The following HS6ST3 variants were observed in gnomAD, a reference collection of about 807,000 sequenced individuals.
HS6ST3 encodes the protein heparan sulfate 6-O-sulfotransferase 3, also known as heparan-sulfate 6-O-sulfotransferase 3.
Under a neutral mutation model 36.7 loss-of-function variants are expected in HS6ST3, and 12 were observed. The ratio of observed to expected loss-of-function variants is 0.33; its 90% CI spans 0.21 to 0.53. The LOEUF (loss-of-function observed/expected upper bound fraction) is 0.53. Ranked by LOEUF, HS6ST3 falls within the 20% of genes least tolerant of loss-of-function variation. The pLI, the probability that HS6ST3 is intolerant of heterozygous loss-of-function variation, is 0.95. For synonymous variants in HS6ST3, 240 were observed against 257.5 expected (o/e 0.93, Z 0.65); for missense variants, 584 against 640.9 (o/e 0.91, Z 0.96).
chr13:96,124,920 A>G (rs2053943392), intron 1 of HS6ST3, among the ~76,000 whole-genome samples: 1 of 152,200 alleles, frequency 6.6e-6, no homozygotes, highest in African/African-American at 2.4e-5. Flanking sequence ...GAGATATACC[A>G]TACTCTTGGA....
rs538726504 is a variant in HS6ST3 at position 96,667,455 on chromosome 13, C to T, written c.708-165035C>T. Among the ~76,000 whole-genome samples the T allele has an allele frequency of 3.3e-5, 5 of 152,220 alleles. No homozygotes were observed. The South Asian group carries it at 6.2e-4, about 19-fold the overall frequency. On this transcript the variant is annotated intron_variant, in intron 1 of 1. Coordinates refer to ENST00000376705, the MANE Select transcript of HS6ST3 (RefSeq NM_153456.4). Reference sequence around the variant, plus strand: ...TTGCTTGCCATTAGGTTGGTGAGAACGTAAATTTTACTCATTTCTGTCAGC... The same window carrying T: ...TTGCTTGCCATTAGGTTGGTGAGAATGTAAATTTTACTCATTTCTGTCAGC...
chr13:96,826,366 G>T (rs1201331674), intron 1 of HS6ST3, among the ~76,000 whole-genome samples: 1 of 152,144 alleles, frequency 6.6e-6, no homozygotes, highest in Non-Finnish European at 1.5e-5. Context: ...ATTAGACTTA[G>T]TTATTAAAAT....
At chr13:96,557,577 C>T (rs972562434) in intron 1 of HS6ST3, among the ~76,000 whole-genome samples, 7 of 152,072 alleles carry the variant, frequency 4.6e-5, no homozygotes, top group Non-Finnish European at 5.9e-5. Context: ...CCTAAGTGAT[C>T]CTTCAACAAT....
chr13:96,466,905 TA>T (rs2055817134), intron 1 of HS6ST3, among the ~76,000 whole-genome samples: 1 of 152,236 alleles, frequency 6.6e-6, no homozygotes, highest in Non-Finnish European at 1.5e-5. Context: ...CAGTAGAAGA[TA>T]GTGGGTACCC....
intron 1 of HS6ST3, among the ~76,000 whole-genome samples, chr13:96,678,548 G>T (rs1026100070): frequency 6.6e-6 from 1 of 151,842 alleles, no homozygotes; most frequent in African/African-American, 2.4e-5. Context: ...GGTGGCGGGT[G>T]CCTGTAATCC....
At chr13:96,670,000 T>C (rs1448236300) in intron 1 of HS6ST3, among the ~76,000 whole-genome samples, 2 of 152,050 alleles carry the variant, frequency 1.3e-5, no homozygotes, top group South Asian at 4.1e-4. Context: ...TTTAAAGCCA[T>C]GAAATTGGAT....
intron 1 of HS6ST3, among the ~76,000 whole-genome samples, chr13:96,503,542 G>C (rs1457753818): frequency 1.3e-5 from 2 of 152,174 alleles, no homozygotes; most frequent in Non-Finnish European, 2.9e-5. Flanking sequence ...CTAGTAGGAA[G>C]AGTGGGATTT....
intron 1 of HS6ST3, among the ~76,000 whole-genome samples, chr13:96,597,568 G>A (rs2056406338): frequency 6.6e-6 from 1 of 151,382 alleles, no homozygotes; most frequent in Non-Finnish European, 1.5e-5. Flanking sequence ...TGAGTTCCTT[G>A]TAGATTCTGG....
intron 1 of HS6ST3, among the ~76,000 whole-genome samples, chr13:96,347,498 C>T (rs1158587143): frequency 2.0e-5 from 3 of 152,112 alleles, no homozygotes; most frequent in East Asian, 1.9e-4. Flanking sequence ...CTTATTCCAA[C>T]GTTGCTGTTT....
At chr13:96,471,773 G>A (rs1222354843) in intron 1 of HS6ST3, among the ~76,000 whole-genome samples, 1 of 152,220 alleles carries the variant, frequency 6.6e-6, no homozygotes, top group Admixed American at 6.5e-5. Context: ...AGAGGTTGGA[G>A]GGTGGGGAAT....
rs549692033 is a variant in HS6ST3 at position 96,193,407 on chromosome 13, T to G, written c.707+101838T>G. ...ATTAAGGTAGTGTAGATAACTAAAA[T>G]GGGGAAGAAGTGGTTGAGTAAAGGC... On this transcript the variant is annotated intron_variant, in intron 1 of 1. Transcript: ENST00000376705. Among the ~76,000 whole-genome samples the G allele has an allele frequency of 8.5e-4, 130 of 152,090 alleles. 1 individual carries two copies. The highest frequency in any genetic ancestry group is 3.1e-3 in the African/African-American group (128 of 41,488).
chr13:96,108,034 T>A (rs1313063273), intron 1 of HS6ST3, among the ~76,000 whole-genome samples: 1 of 152,054 alleles, frequency 6.6e-6, no homozygotes, highest in Non-Finnish European at 1.5e-5. Flanking sequence ...ACAAGGGAGG[T>A]AACCATTAGG....
chr13:96,228,201 A>C (rs2054490536), intron 1 of HS6ST3, among the ~76,000 whole-genome samples: 1 of 152,242 alleles, frequency 6.6e-6, no homozygotes, highest in Non-Finnish European at 1.5e-5. Flanking sequence ...GCTGTGTTCC[A>C]ATACAACATT....
At chr13:96,802,121 C>T (rs1398832162) in intron 1 of HS6ST3, among the ~76,000 whole-genome samples, 3 of 152,108 alleles carry the variant, frequency 2.0e-5, no homozygotes, top group Non-Finnish European at 4.4e-5. Flanking sequence ...CAGAAACCCC[C>T]CAGTCAACAT....
At position 96,329,515 on chromosome 13, in the gene HS6ST3, G is replaced by A. The variant is rs144277361; in HGVS notation, c.707+237946G>A. 1.5e-3 allele frequency among the ~76,000 whole-genome samples: 218 copies of A among 148,130 alleles called. 6 individuals are homozygous for A. The East Asian group carries it at 0.037, about 25-fold the overall frequency. On this transcript the variant is annotated intron_variant, in intron 1 of 1. Transcript: ENST00000376705. ...TTTTGAGTGAGATTCTTAATCCTAA[G>A]TTCTAGTTTGATTGCGCTGTGGTCT...
chr13:96,148,634 A>G (rs904274002), intron 1 of HS6ST3, among the ~76,000 whole-genome samples: 1 of 152,250 alleles, frequency 6.6e-6, no homozygotes, highest in Non-Finnish European at 1.5e-5. Flanking sequence ...AGGAAAGTCA[A>G]CTTTAGTAAT....
rs1475331245 is a variant in HS6ST3, at chr13:96,355,388, CACACACACACACACAA to C, written c.707+263827_707+263842del. On this transcript the variant is annotated intron_variant, in intron 1 of 1. Transcript: ENST00000376705. ...ACACACACACACACACACACACACA[CACACACACACACACAA>C]ACACACAAACACACACACACAGAGG... is the stretch of plus-strand genomic sequence containing the variant. Among the ~76,000 whole-genome samples, 1,202 of 142,350 alleles carry C rather than the reference CACACACACACACACAA, an allele frequency of 8.4e-3. 16 individuals carry two copies. Among genetic ancestry groups the C allele is most frequent in the African/African-American group, 0.031 (1,153 of 36,870 alleles). The allele number at this position is 142,350 out of a possible 152,430, so 93.4% of individuals were successfully genotyped here.
chr13:96,499,817 T>G (rs1594794771), intron 1 of HS6ST3, among the ~76,000 whole-genome samples: 1 of 152,120 alleles, frequency 6.6e-6, no homozygotes, highest in East Asian at 1.9e-4. Flanking sequence ...GTGCATTGCA[T>G]CATACTGGGC....
chr13:96,631,866 C>A (rs682645), intron 1 of HS6ST3, among the ~76,000 whole-genome samples: 147,485 of 152,274 alleles, frequency 0.97, 71,541 homozygotes, highest in East Asian at 1. Flanking sequence ...AAATCAAAAT[C>A]AGAGACTCAA....
Sources: gnomAD v4.1 joint callset for allele counts (sites outside exome capture counted in the v4.1 genomes callset) on GRCh38, gnomAD v4.1.1 for gene constraint, MANE v1.5 for transcripts, NCBI Gene and HGNC (gene_info 2026-07-23, HGNC 2026-07-21) for gene names.